DHDH: variants seen among roughly 807,000 people sequenced by gnomAD.
DHDH encodes the protein trans-1,2-dihydrobenzene-1,2-diol dehydrogenase.
A neutral mutation model predicts 33.2 loss-of-function variants in DHDH; 29 were observed. The ratio of observed to expected loss-of-function variants is 0.87; its 90% CI spans 0.65 to 1.19. DHDH has a LOEUF of 1.19. Ranked by LOEUF, DHDH falls within the 50% of genes most tolerant of loss-of-function variation. The probability of loss-of-function intolerance (pLI) is 0.00; values close to 1 mark genes in which losing one functional copy is unlikely to be tolerated. For synonymous variants in DHDH, 201 were observed against 187.9 expected (o/e 1.07, Z -0.57); for missense variants, 431 against 455.0 (o/e 0.95, Z 0.48).
At chr19:48,932,985 G>A (rs1406786282), upstream of DHDH, among the ~76,000 whole-genome samples, 1 of 152,128 alleles carries the variant, frequency 6.6e-6, no homozygotes, top group Non-Finnish European at 1.5e-5. Flanking sequence ...AAGGGGCAAG[G>A]AGGGTTTTGA....
rs2037921402 is a variant in DHDH at position 48,944,943 on chromosome 19, GAATA to G, written c.*17_*20del. 2.5e-6 allele frequency: 4 copies of G among 1,610,290 alleles called. No homozygotes were observed. The highest frequency in any genetic ancestry group is 2.2e-5 in the East Asian group (1 of 44,840). ...CCAAGACAAACGCTGATGTATCCCC[GAATA>G]AATAAAGACATCTTACATCTTCGTG... On this transcript the variant is annotated 3_prime_UTR_variant, in exon 7 of 7. Transcript: ENST00000221403.
intron 3 of DHDH, among the ~76,000 whole-genome samples, chr19:48,939,080 C>T (rs1281277555): frequency 6.6e-6 from 1 of 151,896 alleles, no homozygotes; most frequent in Non-Finnish European, 1.5e-5. Flanking sequence ...AGGGCAGAAG[C>T]GAGAGGGAGA....
intron 5 of DHDH, among the ~76,000 whole-genome samples, chr19:48,943,813 C>T (rs1230886253): frequency 1.4e-5 from 2 of 141,214 alleles, no homozygotes; most frequent in Non-Finnish European, 3.0e-5. Context: ...GCAACAAGAG[C>T]GAAACTCCGT....
Position 48,944,509 on chromosome 19 carries a change from T to G in DHDH, c.895+2T>G, listed in dbSNP as rs1600091573. On this transcript the variant is annotated splice_donor_variant, in intron 6 of 6. Coordinates refer to ENST00000221403, the MANE Select transcript of DHDH (RefSeq NM_014475.4). LOFTEE classifies it high-confidence loss of function. ...ACGTCTGGGAGTGCCTACGCAAGGG[T>G]AAGGATATGGATGCGGGGCAGGCGC... 2 of 1,599,130 alleles carry G rather than the reference T, an allele frequency of 1.3e-6. No homozygotes were observed. Among genetic ancestry groups the G allele is most frequent in the South Asian group, 2.2e-5 (2 of 89,610 alleles).
chr19:48,943,861 A>G (rs2037901529), intron 5 of DHDH, among the ~76,000 whole-genome samples: 2 of 150,026 alleles, frequency 1.3e-5, no homozygotes, highest in African/African-American at 4.9e-5. Context: ...CAGGCATGGT[A>G]GTGGGCACCT....
chr19:48,944,310 CA>C (rs1346217603), intron 5 of DHDH, 46 bp from the exon 6 acceptor site: 1 of 1,611,220 alleles, frequency 6.2e-7, no homozygotes, highest in Admixed American at 1.7e-5. Context: ...GCAGCCTCAG[CA>C]GCACCGTTGG....
At chr19:48,934,375 A>G (rs2037743177) in intron 1 of DHDH, among the ~76,000 whole-genome samples, 1 of 152,180 alleles carries the variant, frequency 6.6e-6, no homozygotes, top group Non-Finnish European at 1.5e-5. Flanking sequence ...TACATCCCCT[A>G]GCCCGACACC....
At chr19:48,939,951 A>G (rs556147111) in intron 4 of DHDH, among the ~76,000 whole-genome samples, 17 of 152,318 alleles carry the variant, frequency 1.1e-4, no homozygotes, top group African/African-American at 4.1e-4. Flanking sequence ...AGTGTCACTA[A>G]TAGGGTTGTC....
chr19:48,934,469 C>T (rs2037744418), intron 1 of DHDH, among the ~76,000 whole-genome samples: 1 of 152,198 alleles, frequency 6.6e-6, no homozygotes, highest in African/African-American at 2.4e-5. Context: ...CTGTCTCCTG[C>T]TCTCCCTGGG....
intron 3 of DHDH, among the ~76,000 whole-genome samples, chr19:48,937,780 C>T (rs1373432285): frequency 1.3e-5 from 2 of 150,442 alleles, no homozygotes; most frequent in Non-Finnish European, 3.0e-5. Context: ...ACACTGCACT[C>T]CAGCCTGGAC....
chr19:48,944,876 C>T lies in DHDH; in HGVS notation c.948C>T (p.Asp316=), dbSNP rs2037919910. 1.9e-6 allele frequency: 3 copies of T among 1,614,092 alleles called. No homozygotes were observed. The highest frequency in any genetic ancestry group is 2.5e-6 in the Non-Finnish European group (3 of 1,180,016). Residue 316 remains aspartate (D), a synonymous_variant, in exon 7 of 7, where the codon GAC becomes GAT. Coordinates refer to ENST00000221403, the MANE Select transcript of DHDH (RefSeq NM_014475.4). ...IPLSESELLA[D]ILEEVRKAIG... is the part of the protein sequence containing the mutation. ...TGTCGGAAAGTGAGCTCCTGGCTGA[C>T]ATCCTTGAAGAGGTGAGGAAGGCCA...
intron 4 of DHDH, among the ~76,000 whole-genome samples, chr19:48,940,401 G>A (rs11666814): frequency 0.17 from 25,161 of 151,218 alleles, 2,800 homozygotes; most frequent in East Asian, 0.53. Flanking sequence ...CCCTTGCCTT[G>A]GCTTCCACTC....
intron 4 of DHDH, among the ~76,000 whole-genome samples, chr19:48,941,069 T>C (rs1359229504): frequency 2.0e-5 from 3 of 152,096 alleles, no homozygotes; most frequent in African/African-American, 7.2e-5. Context: ...ATTGGCAAAT[T>C]GGGGCTGGGC....
rs1410020895 is a variant in DHDH at position 48,935,131 on chromosome 19, G to A, written c.202+20G>A. The A allele has an allele frequency of 1.3e-6, 2 of 1,527,052 alleles. No homozygotes were observed. Among genetic ancestry groups the A allele is most frequent in the Admixed American group, 4.1e-5 (2 of 48,508 alleles). 94.6% of individuals were successfully genotyped at this position (1,527,052 alleles called of 1,614,324 possible). ...GCGTGGGTGAGTGGCGAGGGCGATGGGGGTGCTGGCCGCCGCCCCTGGAGC... is the reference window on the plus strand; with the variant it reads ...GCGTGGGTGAGTGGCGAGGGCGATGAGGGTGCTGGCCGCCGCCCCTGGAGC... On this transcript the variant is annotated intron_variant, in intron 2 of 6. Transcript: ENST00000221403.
At position 48,944,795 on chromosome 19, in the gene DHDH, A is replaced by G. The variant is rs763348326; in HGVS notation, c.896-29A>G. ...TTTGGGTCTTGGGCGCGTGGGTAGG[A>G]GGGGTCCCTAACTACACTCTCCCCA... On this transcript the variant is annotated intron_variant, in intron 6 of 6. Transcript: ENST00000221403. The G allele has an allele frequency of 3.1e-6, 5 of 1,588,162 alleles. No individual in the cohort carries two copies. The South Asian group carries it at 3.3e-5, about 11-fold the overall frequency.
At chr19:48,933,578 C>A (rs1600079452), upstream of DHDH, 1 of 711,508 alleles carries the variant, frequency 1.4e-6, no homozygotes, top group Non-Finnish European at 2.4e-6. Context: ...ACTAAATGAC[C>A]GCTCTGCCGA....
chr19:48,944,728 C>A (rs2037916748), intron 6 of DHDH, 96 bp from the exon 7 acceptor site: 4 of 1,269,712 alleles, frequency 3.2e-6, no homozygotes, highest in South Asian at 1.3e-5. Context: ...TCTGCCTGAA[C>A]CATGTATATT....
In DHDH at chr19:48,935,980, C is replaced by A. The variant is rs73573689; in HGVS notation, c.203-52C>A. 6,258 of 1,553,210 alleles carry A rather than the reference C, an allele frequency of 4.0e-3. 143 individuals carry two copies. In the African/African-American group the frequency reaches 0.056, roughly 14 times the overall value. ...GGGCCTCGAAGTTGTGGGCGGAGCT[C>A]GGCTGTCTGGGTGGGCGGGGCTGCT... On this transcript the variant is annotated intron_variant, in intron 2 of 6. Coordinates refer to ENST00000221403, the MANE Select transcript of DHDH (RefSeq NM_014475.4).
chr19:48,937,830 A>G (rs966153518), intron 3 of DHDH, among the ~76,000 whole-genome samples: 18 of 150,422 alleles, frequency 1.2e-4, no homozygotes, highest in East Asian at 3.9e-4. Flanking sequence ...AAAAAAAAAA[A>G]AAAGAAATTG....
Sources: gnomAD v4.1 joint callset for allele counts (sites outside exome capture counted in the v4.1 genomes callset) on GRCh38, gnomAD v4.1.1 for gene constraint, MANE v1.5 for transcripts, NCBI Gene and HGNC (gene_info 2026-07-23, HGNC 2026-07-21) for gene names.